The following PLCB1 variants were observed in gnomAD, a reference collection of about 807,000 sequenced individuals.
PLCB1 encodes 1-phosphatidylinositol 4,5-bisphosphate phosphodiesterase beta-1.
In PLCB1, 46 loss-of-function variants were observed where a neutral mutation model predicts 161.8. The ratio of observed to expected loss-of-function variants is 0.28; its 90% CI spans 0.22 to 0.36. The LOEUF is 0.36. Among genes scored for constraint, PLCB1 ranks in the 10% least tolerant of loss-of-function variants. The probability of loss-of-function intolerance (pLI) is 1.00; values close to 1 mark genes in which losing one functional copy is unlikely to be tolerated. For synonymous variants in PLCB1, 517 were observed against 503.7 expected, an observed-to-expected ratio of 1.03 and a Z score of -0.35; for missense variants, 1,016 against 1,472.5, an observed-to-expected ratio of 0.69 and a Z score of 5.07.
intron 3 of PLCB1, among the ~76,000 whole-genome samples, chr20:8,417,044 CACACACACACAT>C (rs1192894424): frequency 5.1e-4 from 29 of 56,412 alleles, no homozygotes; most frequent in African/African-American, 1.7e-3. Flanking sequence ...CACACACACA[CACACACACACAT>C]ATATATATAT....
At chr20:8,264,972 A>C (rs1054544411) in intron 2 of PLCB1, among the ~76,000 whole-genome samples, 1 of 152,274 alleles carries the variant, frequency 6.6e-6, no homozygotes, top group South Asian at 2.1e-4. Flanking sequence ...GAGATAATTA[A>C]TGAGGAAACC....
intron 3 of PLCB1, among the ~76,000 whole-genome samples, chr20:8,376,661 G>C (rs1358174450): frequency 6.6e-6 from 1 of 152,182 alleles, no homozygotes; most frequent in Non-Finnish European, 1.5e-5. Context: ...GGGCGCAGTG[G>C]CTCACGCCTG....
intron 3 of PLCB1, among the ~76,000 whole-genome samples, chr20:8,619,198 A>G (rs1988112153): frequency 6.6e-6 from 1 of 152,128 alleles, no homozygotes. Flanking sequence ...AGGCAGATGG[A>G]TCATGAGGTC....
chr20:8,419,944 T>C (rs1364928717), intron 3 of PLCB1, among the ~76,000 whole-genome samples: 6 of 152,220 alleles, frequency 3.9e-5, no homozygotes, highest in African/African-American at 9.6e-5. Context: ...CAAATATCTA[T>C]AGCAGCAGCA....
At chr20:8,371,890 T>G (rs1986915458) in intron 3 of PLCB1, 1 of 154,162 alleles carries the variant, frequency 6.5e-6, no homozygotes, top group African/African-American at 2.4e-5. Context: ...TAGTCTTAAT[T>G]CTGCAAATGT....
intron 31 of PLCB1, among the ~76,000 whole-genome samples, chr20:8,853,920 G>T (rs118129546): frequency 0.03 from 4,509 of 152,190 alleles, 111 homozygotes; most frequent in Non-Finnish European, 0.045. Flanking sequence ...ACTCGTAATG[G>T]GCATATGGTA....
intron 3 of PLCB1, among the ~76,000 whole-genome samples, chr20:8,530,661 C>T (rs1984777001): frequency 6.6e-6 from 1 of 152,064 alleles, no homozygotes; most frequent in Admixed American, 6.6e-5. Flanking sequence ...ATATTCTCCA[C>T]TCAATCAAAA....
rs554974862 is a variant in PLCB1, at chr20:8,389,053, A to G, written c.246+17603A>G. Among the ~76,000 whole-genome samples the G allele has an allele frequency of 5.3e-5, 8 of 152,302 alleles. No individual in the cohort carries two copies. In the South Asian group the frequency reaches 1.0e-3, roughly 20 times the overall value. On this transcript the variant is annotated intron_variant, in intron 3 of 31. Transcript: ENST00000338037. The stretch of plus-strand genomic sequence containing the variant: ...TCATGGCCATTCAATAGTGCACAAG[A>G]TAAGATTTTTAAAGCTACTATTAAA...
intron 3 of PLCB1, chr20:8,372,279 C>T (rs138271534): frequency 3.3e-5 from 5 of 152,024 alleles, no homozygotes; most frequent in Admixed American, 6.6e-5. Context: ...CTTCCCACAA[C>T]TTTTGTTTTA....
chr20:8,701,886 C>T (rs1978384806), intron 11 of PLCB1, among the ~76,000 whole-genome samples: 1 of 152,184 alleles, frequency 6.6e-6, no homozygotes, highest in African/African-American at 2.4e-5. Context: ...AAAACATTCC[C>T]CCAACATTTG....
chr20:8,331,498 G>A (rs1000094668), intron 2 of PLCB1, among the ~76,000 whole-genome samples: 2 of 152,190 alleles, frequency 1.3e-5, no homozygotes, highest in Non-Finnish European at 1.5e-5. Context: ...AGGTTTTGTG[G>A]TTAGGGGCAT....
At chr20:8,296,641 A>G (rs1350387666) in intron 2 of PLCB1, among the ~76,000 whole-genome samples, 2 of 152,130 alleles carry the variant, frequency 1.3e-5, no homozygotes, top group Admixed American at 6.6e-5. Flanking sequence ...TTTCTGAATT[A>G]TGTCTCCTTG....
At chr20:8,760,909 A>G (rs1352079228) in intron 25 of PLCB1, among the ~76,000 whole-genome samples, 1 of 152,240 alleles carries the variant, frequency 6.6e-6, no homozygotes, top group African/African-American at 2.4e-5. Context: ...TAGTGGAACT[A>G]AAATTGGTAC....
chr20:8,551,211 G>A (rs1003036698), intron 3 of PLCB1, among the ~76,000 whole-genome samples: 7 of 151,972 alleles, frequency 4.6e-5, no homozygotes, highest in East Asian at 1.9e-4. Flanking sequence ...CCAAAAATAT[G>A]AGGAAAAAAA....
At chr20:8,519,097 T>C (rs776204448) in intron 3 of PLCB1, among the ~76,000 whole-genome samples, 33 of 152,114 alleles carry the variant, frequency 2.2e-4, no homozygotes, top group Non-Finnish European at 4.6e-4. Flanking sequence ...GCCTGGTTCT[T>C]AGCAGGCCAC....
intron 31 of PLCB1, among the ~76,000 whole-genome samples, chr20:8,795,529 G>C (rs1983974142): frequency 6.6e-6 from 1 of 152,208 alleles, no homozygotes; most frequent in Admixed American, 6.5e-5. Flanking sequence ...GTCCTTGAGT[G>C]TATGTGGGTT....
At chr20:8,669,897 C>G (rs1989902830) in intron 9 of PLCB1, among the ~76,000 whole-genome samples, 1 of 152,202 alleles carries the variant, frequency 6.6e-6, no homozygotes, top group Non-Finnish European at 1.5e-5. Flanking sequence ...ATGGTCCTTG[C>G]TCATACAACG....
intron 31 of PLCB1, among the ~76,000 whole-genome samples, chr20:8,854,751 C>G (rs939807723): frequency 2.6e-5 from 4 of 152,336 alleles, no homozygotes; most frequent in African/African-American, 9.6e-5. Context: ...TTTCACGTCT[C>G]CACGCTGGCG....
intron 3 of PLCB1, among the ~76,000 whole-genome samples, chr20:8,491,896 A>C (rs1167823004): frequency 1.3e-5 from 2 of 152,152 alleles, no homozygotes; most frequent in Non-Finnish European, 1.5e-5. Flanking sequence ...TCTGTGTCTT[A>C]AAAACGGTTG....
Sources: allele counts gnomAD v4.1 joint callset (sites outside exome capture counted in the v4.1 genomes callset), GRCh38; gene constraint gnomAD v4.1.1; transcripts MANE v1.5; gene names NCBI Gene and HGNC (gene_info 2026-07-23, HGNC 2026-07-21).